The following STXBP5 variants were observed in gnomAD, a reference collection of about 807,000 sequenced individuals.
The protein encoded by STXBP5 is syntaxin-binding protein 5.
STXBP5 carries 50 observed loss-of-function variants against 152.4 expected under a neutral mutation model. That is an observed-to-expected ratio of 0.33 (90% confidence interval 0.26 to 0.42). The LOEUF (loss-of-function observed/expected upper bound fraction) is 0.42, where lower values mean the gene tolerates loss of function less well. Ranked by LOEUF, STXBP5 falls within the 10% of genes least tolerant of loss-of-function variation. The pLI is 1.00. For synonymous variants in STXBP5, 492 were observed against 494.7 expected (o/e 0.99, Z 0.07); for missense variants, 1,167 against 1,388.6 (o/e 0.84, Z 2.54).
intron 16 of STXBP5, among the ~76,000 whole-genome samples, chr6:147,324,264 GTTTTTTT>G (rs1179573055): frequency 1.7e-5 from 1 of 57,952 alleles, no homozygotes. Flanking sequence ...TTTTTTTTTG[GTTTTTTT>G]TTTTTTTTTT....
At chr6:147,276,340 T>C (rs1273224989) in intron 7 of STXBP5, among the ~76,000 whole-genome samples, 1 of 152,160 alleles carries the variant, frequency 6.6e-6, no homozygotes, top group Admixed American at 6.5e-5. Context: ...CTGTTATTTG[T>C]TTCTGTTGTC....
At chr6:147,210,259 T>TG (rs1177830121) in intron 2 of STXBP5, among the ~76,000 whole-genome samples, 9 of 152,172 alleles carry the variant, frequency 5.9e-5, no homozygotes, top group Non-Finnish European at 8.8e-5. Flanking sequence ...GTGAAAAACT[T>TG]GGCAAAGAAG....
chr6:147,346,801 A>AC (rs1266045733), intron 21 of STXBP5, among the ~76,000 whole-genome samples: 3 of 146,816 alleles, frequency 2.0e-5, no homozygotes, highest in Middle Eastern at 3.4e-3. Flanking sequence ...GGACTTAGCC[A>AC]CCCACTAAAA....
At chr6:147,277,718 A>T (rs79726918) in intron 7 of STXBP5, among the ~76,000 whole-genome samples, 7,223 of 152,096 alleles carry the variant, frequency 0.047, 481 homozygotes, top group East Asian at 0.27. Context: ...CATTGCAACT[A>T]GTTTTTCTAT....
At chr6:147,276,659 C>T (rs1203036923) in intron 7 of STXBP5, among the ~76,000 whole-genome samples, 1 of 151,984 alleles carries the variant, frequency 6.6e-6, no homozygotes, top group Admixed American at 6.6e-5. Flanking sequence ...CATGTTTTTG[C>T]AGAAATAAGT....
intron 2 of STXBP5, among the ~76,000 whole-genome samples, chr6:147,223,571 A>G (rs554075472): frequency 9.2e-5 from 14 of 152,306 alleles, no homozygotes; most frequent in African/African-American, 3.1e-4. Flanking sequence ...GCTTAATTAT[A>G]CTTATGTCCA....
chr6:147,353,562 T>C (rs1270742931), intron 22 of STXBP5, among the ~76,000 whole-genome samples, 189 bp downstream of exon 22: 2 of 152,192 alleles, frequency 1.3e-5, no homozygotes, highest in Non-Finnish European at 2.9e-5. Context: ...ACAATTATAA[T>C]ACAAATTCAA....
rs1329325447 is a variant in STXBP5, at chr6:147,388,685, A to G, written c.*3930A>G. On this transcript the variant is annotated 3_prime_UTR_variant, in exon 28 of 28. Coordinates refer to ENST00000321680, the MANE Select transcript of STXBP5 (RefSeq NM_001127715.4). ...ATTTCTATGCTTTAAAAAACCCTCT[A>G]TTGAGCATTTTCAAATATTAATTTT... 1 of 151,342 alleles carries G rather than the reference A, an allele frequency of 6.6e-6. No individual in the cohort carries two copies. The highest frequency in any genetic ancestry group is 1.5e-5 in the Non-Finnish European group (1 of 67,568). 9.4% of individuals were successfully genotyped at this position (151,342 alleles called of 1,614,324 possible).
At chr6:147,240,796 G>C (rs1007792149) in intron 4 of STXBP5, among the ~76,000 whole-genome samples, 1 of 152,140 alleles carries the variant, frequency 6.6e-6, no homozygotes, top group Admixed American at 6.6e-5. Flanking sequence ...AGTGAGAAAC[G>C]TGGTTTGGGA....
At chr6:147,290,874 G>A (rs1781244476) in intron 8 of STXBP5, among the ~76,000 whole-genome samples, 1 of 152,220 alleles carries the variant, frequency 6.6e-6, no homozygotes, top group Non-Finnish European at 1.5e-5. Context: ...TTCTTACTAA[G>A]TTATTAATTA....
At chr6:147,383,055 GTTACT>G in intron 27 of STXBP5, 57 bp downstream of exon 27, 1 of 1,561,372 alleles carries the variant, frequency 6.4e-7, no homozygotes, top group Non-Finnish European at 8.8e-7. Flanking sequence ...AAGTGTGAAT[GTTACT>G]TTATTTTTAT....
At chr6:147,288,161 C>A (rs1398283111) in intron 8 of STXBP5, among the ~76,000 whole-genome samples, 1 of 152,098 alleles carries the variant, frequency 6.6e-6, no homozygotes, top group Non-Finnish European at 1.5e-5. Context: ...GTAATACTTC[C>A]AACAGATTGC....
intron 2 of STXBP5, among the ~76,000 whole-genome samples, chr6:147,219,085 T>C (rs572252550): frequency 1.3e-5 from 2 of 152,314 alleles, no homozygotes; most frequent in South Asian, 4.1e-4. Context: ...GTAGTTTTTA[T>C]GTAGATGTTC....
intron 3 of STXBP5, among the ~76,000 whole-genome samples, chr6:147,238,127 T>G (rs1404239935): frequency 6.6e-6 from 1 of 152,210 alleles, no homozygotes; most frequent in Non-Finnish European, 1.5e-5. Flanking sequence ...ACTGAATACC[T>G]GAGTCTGGGT....
chr6:147,297,777 T>C (rs1781601531), intron 9 of STXBP5, among the ~76,000 whole-genome samples: 1 of 152,048 alleles, frequency 6.6e-6, no homozygotes. Context: ...GTTAAGTTGT[T>C]ATCAGCTTAA....
At position 147,211,051 on chromosome 6, in the gene STXBP5, G is replaced by A. The variant is rs150758658; in HGVS notation, c.248+4983G>A. Reference sequence around the variant, plus strand: ...TGTTCAGCCTGGCACAGAGGCTCACGCCTGTAATCCCAGCACTTTGGGAGG... The same window carrying A: ...TGTTCAGCCTGGCACAGAGGCTCACACCTGTAATCCCAGCACTTTGGGAGG... On this transcript the variant is annotated intron_variant, in intron 2 of 27. Coordinates refer to ENST00000321680, the MANE Select transcript of STXBP5 (RefSeq NM_001127715.4). Among the ~76,000 whole-genome samples, 47 of 152,202 alleles carry A rather than the reference G, an allele frequency of 3.1e-4. No homozygotes were observed. In the East Asian group the frequency reaches 4.4e-3, roughly 14 times the overall value.
intron 25 of STXBP5, among the ~76,000 whole-genome samples, chr6:147,372,887 G>A (rs1785628102): frequency 6.6e-6 from 1 of 152,156 alleles, no homozygotes. Flanking sequence ...TACAAGGGAA[G>A]AGTTCCCATC....
In STXBP5 at chr6:147,319,059, C is replaced by T. The variant is rs568648173; in HGVS notation, c.1802+2652C>T. Among the ~76,000 whole-genome samples, 4 of 152,198 alleles carry T rather than the reference C, an allele frequency of 2.6e-5. No homozygotes were observed. The East Asian group carries it at 7.7e-4, about 29-fold the overall frequency. The stretch of plus-strand genomic sequence containing the variant: ...AGATGTTCTAGACTTGCTTTGAATA[C>T]TACTTGCCCTCACAGGGTAACAGAC... On this transcript the variant is annotated intron_variant, in intron 16 of 27. Coordinates refer to ENST00000321680, the MANE Select transcript of STXBP5 (RefSeq NM_001127715.4).
chr6:147,230,259 A>T (rs915046349), intron 2 of STXBP5, among the ~76,000 whole-genome samples: 2 of 151,874 alleles, frequency 1.3e-5, no homozygotes, highest in African/African-American at 4.8e-5. Flanking sequence ...AATGTTTTTT[A>T]GCTGATCATT....
Sources: allele counts gnomAD v4.1 joint callset (sites outside exome capture counted in the v4.1 genomes callset), GRCh38; gene constraint gnomAD v4.1.1; transcripts MANE v1.5; gene names NCBI Gene and HGNC (gene_info 2026-07-23, HGNC 2026-07-21).